YWHAQ: variants seen among roughly 807,000 people sequenced by gnomAD.
The protein encoded by YWHAQ is 14-3-3 protein theta.
In YWHAQ, 6 loss-of-function variants were observed where a neutral mutation model predicts 28.3. The observed-to-expected ratio is 0.21, with a 90% confidence interval of 0.12 to 0.42. The LOEUF (loss-of-function observed/expected upper bound fraction) is 0.42, where lower values mean the gene tolerates loss of function less well. YWHAQ is among the 10% of genes least tolerant of loss of function. The probability of loss-of-function intolerance (pLI) is 1.00; values close to 1 mark genes in which losing one functional copy is unlikely to be tolerated. For missense variants in YWHAQ, 201 were observed against 305.6 expected (o/e 0.66, Z 2.55); for synonymous variants, 143 against 119.1 (o/e 1.20, Z -1.31).
At chr2:9,602,843 AAAAAAAAAAAAAAAAAAAAATATATAT>A (rs1466774838) in intron 2 of YWHAQ, among the ~76,000 whole-genome samples, 19 of 29,158 alleles carry the variant, frequency 6.5e-4, no homozygotes, top group African/African-American at 1.1e-3. Context: ...AAAAAAAAAA[AAAAAAAAAAAAAAAAAAAAATATATAT>A]ATATATATAT....
chr2:9,588,068 C>A (rs551157053), intron 4 of YWHAQ, 97 bp downstream of exon 4: 2 of 1,380,324 alleles, frequency 1.4e-6, no homozygotes, highest in Non-Finnish European at 1.9e-6. Context: ...TAGTAGAAAT[C>A]ATCCCTGGGT....
At chr2:9,614,765 T>C (rs1041743318) in intron 2 of YWHAQ, among the ~76,000 whole-genome samples, 3 of 152,186 alleles carry the variant, frequency 2.0e-5, no homozygotes, top group Non-Finnish European at 4.4e-5. Context: ...ATTACGTCAT[T>C]ATTTGCAGGC....
rs995535839 is a variant in YWHAQ, at chr2:9,619,566, C to CA, written c.294+10592dup. Among the ~76,000 whole-genome samples, 8 of 151,338 alleles carry CA rather than the reference C, an allele frequency of 5.3e-5. No homozygotes were observed. The East Asian group carries it at 5.8e-4, about 11-fold the overall frequency. ...TTGTCTCACCAAAAAAAAACATACA[C>CA]AAAAAAACAAAGAGTTACATGTAAA... On this transcript the variant is annotated intron_variant, in intron 2 of 5. Coordinates refer to ENST00000238081, the MANE Select transcript of YWHAQ (RefSeq NM_006826.4).
chr2:9,587,989 G>C (rs1416068285), intron 4 of YWHAQ, among the ~76,000 whole-genome samples, 176 bp downstream of exon 4: 2 of 152,182 alleles, frequency 1.3e-5, no homozygotes, highest in Non-Finnish European at 2.9e-5. Flanking sequence ...TCATAGGGTA[G>C]AGTAAGGTGT....
intron 2 of YWHAQ, among the ~76,000 whole-genome samples, chr2:9,619,478 G>A (rs146685723): frequency 1.3e-4 from 20 of 152,208 alleles, no homozygotes; most frequent in Admixed American, 3.3e-4. Flanking sequence ...AGCCCAGGAG[G>A]CAGAGGTTGC....
intron 2 of YWHAQ, among the ~76,000 whole-genome samples, chr2:9,608,430 G>A (rs1572997859): frequency 6.6e-6 from 1 of 152,132 alleles, no homozygotes; most frequent in Non-Finnish European, 1.5e-5. Context: ...TTTTGGGGGT[G>A]CAGTCTCCCA....
intron 2 of YWHAQ, among the ~76,000 whole-genome samples, chr2:9,607,452 C>G (rs1279398748): frequency 6.6e-6 from 1 of 151,812 alleles, no homozygotes; most frequent in Non-Finnish European, 1.5e-5. Flanking sequence ...CGTGATCCAC[C>G]CCCCTCGGCT....
intron 5 of YWHAQ, 115 bp downstream of exon 5, chr2:9,587,299 G>A (rs1293020885): frequency 4.6e-6 from 4 of 876,074 alleles, no homozygotes; most frequent in South Asian, 1.8e-5. Context: ...ATACTAACAC[G>A]TATCTCATAC....
At chr2:9,614,544 T>A (rs2125070972) in intron 2 of YWHAQ, among the ~76,000 whole-genome samples, 1 of 152,304 alleles carries the variant, frequency 6.6e-6, no homozygotes, top group African/African-American at 2.4e-5. Flanking sequence ...TGGACAGACA[T>A]CCTGATACCT....
intron 2 of YWHAQ, chr2:9,628,698 A>C (rs911272009): frequency 7.2e-5 from 11 of 152,242 alleles, no homozygotes; most frequent in African/African-American, 2.7e-4. Flanking sequence ...GAAGTCTACC[A>C]CTACTTTCAA....
intron 2 of YWHAQ, among the ~76,000 whole-genome samples, chr2:9,600,465 A>T (rs1394488561): frequency 6.6e-6 from 1 of 152,118 alleles, no homozygotes; most frequent in Non-Finnish European, 1.5e-5. Flanking sequence ...CCAGCACTTG[A>T]GAGGCCCAAG....
intron 2 of YWHAQ, among the ~76,000 whole-genome samples, chr2:9,610,566 C>G (rs558670470): frequency 1.3e-5 from 2 of 152,072 alleles, no homozygotes; most frequent in Non-Finnish European, 2.9e-5. Flanking sequence ...TGGAGTGCAA[C>G]GGCGCAATCT....
chr2:9,596,984 C>A (rs1243759198), intron 2 of YWHAQ, among the ~76,000 whole-genome samples: 1 of 152,180 alleles, frequency 6.6e-6, no homozygotes, highest in Non-Finnish European at 1.5e-5. Flanking sequence ...GACAGAGTAA[C>A]TCTGTGTTAT....
At chr2:9,585,402 G>A in intron 5 of YWHAQ, 57 bp from the exon 6 acceptor site, 1 of 1,573,912 alleles carries the variant, frequency 6.4e-7, no homozygotes, top group Non-Finnish European at 8.7e-7. Flanking sequence ...ATTACACTAA[G>A]TAGTATTGTT....
intron 2 of YWHAQ, among the ~76,000 whole-genome samples, chr2:9,602,983 C>A (rs1666746601): frequency 6.9e-6 from 1 of 145,226 alleles, no homozygotes; most frequent in South Asian, 2.2e-4. Flanking sequence ...TCGGCCTCCC[C>A]AAGTGTTGAA....
At position 9,630,634 on chromosome 2, in the gene YWHAQ, C is replaced by G. The variant is rs1667353693; in HGVS notation, c.-82-100G>C. 3.5e-6 allele frequency: 2 copies of G among 571,434 alleles called. No individual in the cohort carries two copies. The highest frequency in any genetic ancestry group is 5.8e-6 in the Non-Finnish European group (2 of 345,792). The allele number at this position is 571,434 out of a possible 1,614,324, so 35.4% of individuals were successfully genotyped here. Reference sequence around the variant, plus strand: ...CCGCTTTTGTCTCCCGCACACGCGGCCGCTTGAATTTCCCTCTCCCCCGCC... The same window carrying G: ...CCGCTTTTGTCTCCCGCACACGCGGGCGCTTGAATTTCCCTCTCCCCCGCC... On this transcript the variant is annotated intron_variant, in intron 1 of 5. Coordinates refer to ENST00000238081, the MANE Select transcript of YWHAQ (RefSeq NM_006826.4). The surrounding 1 kb of genome is among the most constrained non-coding windows in gnomAD (Gnocchi z 5.6).
At chr2:9,615,239 T>C (rs1667020219) in intron 2 of YWHAQ, 1 of 152,098 alleles carries the variant, frequency 6.6e-6, no homozygotes, top group Non-Finnish European at 1.5e-5. Flanking sequence ...TAATCACATA[T>C]TATTACAGAG....
Position 9,630,114 on chromosome 2 carries a change from G to A in YWHAQ, c.294+45C>T. 1 of 1,571,372 alleles carries A rather than the reference G, an allele frequency of 6.4e-7. No homozygotes were observed. The highest frequency in any genetic ancestry group is 8.7e-7 in the Non-Finnish European group (1 of 1,155,514). ...GTGCCCGCGAAACTCTCAATGAAAAGCATCTCACAAAAGGCCTCCCCTGCT... is the reference window on the plus strand; with the variant it reads ...GTGCCCGCGAAACTCTCAATGAAAAACATCTCACAAAAGGCCTCCCCTGCT... On this transcript the variant is annotated intron_variant, in intron 2 of 5. Coordinates refer to ENST00000238081, the MANE Select transcript of YWHAQ (RefSeq NM_006826.4). The surrounding 1 kb of genome is among the most constrained non-coding windows in gnomAD (Gnocchi z 5.6).
At chr2:9,624,422 A>T (rs1182160985) in intron 2 of YWHAQ, among the ~76,000 whole-genome samples, 1 of 152,192 alleles carries the variant, frequency 6.6e-6, no homozygotes, top group Non-Finnish European at 1.5e-5. Context: ...ACACGTTAGG[A>T]AGAAGCCAAA....
Sources: gnomAD v4.1 joint callset for allele counts (sites outside exome capture counted in the v4.1 genomes callset) on GRCh38, gnomAD v4.1.1 for gene constraint, Gnocchi (gnomAD v3.1) non-coding constraint, MANE v1.5 for transcripts, NCBI Gene and HGNC (gene_info 2026-07-23, HGNC 2026-07-21) for gene names.